CDS2: variants seen among roughly 807,000 people sequenced by gnomAD.
CDS2 encodes the protein phosphatidate cytidylyltransferase 2.
Under a neutral mutation model 59.0 loss-of-function variants are expected in CDS2, and 47 were observed. The observed-to-expected ratio is 0.80, with a 90% CI of 0.63 to 1.02. The LOEUF is 1.02. Ranked by LOEUF, CDS2 falls within the 50% of genes least tolerant of loss-of-function variation. The pLI is 0.00. For synonymous variants in CDS2, 207 were observed against 206.4 expected (o/e 1.00, Z -0.02); for missense variants, 356 against 558.9 (o/e 0.64, Z 3.66).
At chr20:5,167,532 A>G (rs1196902027) in intron 1 of CDS2, among the ~76,000 whole-genome samples, 1 of 152,206 alleles carries the variant, frequency 6.6e-6, no homozygotes, top group Non-Finnish European at 1.5e-5. Flanking sequence ...CACACTGGCC[A>G]GATATATGTA....
intron 1 of CDS2, among the ~76,000 whole-genome samples, chr20:5,155,175 C>G (rs983526475): frequency 1.6e-4 from 25 of 152,332 alleles, no homozygotes; most frequent in African/African-American, 4.8e-4. Context: ...GGCACTCCCC[C>G]ACCCCAAGTC....
At chr20:5,188,880 C>T (rs1331119643) in intron 10 of CDS2, among the ~76,000 whole-genome samples, 187 bp from the exon 11 acceptor site, 1 of 152,176 alleles carries the variant, frequency 6.6e-6, no homozygotes, top group East Asian at 1.9e-4. Flanking sequence ...CTTGACAGAA[C>T]TCACTACTAG....
At chr20:5,133,141 C>G (rs550096243) in intron 1 of CDS2, among the ~76,000 whole-genome samples, 1 of 152,296 alleles carries the variant, frequency 6.6e-6, no homozygotes, top group African/African-American at 2.4e-5. Context: ...CACCACTGCA[C>G]TCCAGCCAGG....
In CDS2 at chr20:5,193,953, TGGG is replaced by T. The variant is rs1434169944; in HGVS notation, c.*3720_*3722del. Reference sequence around the variant, plus strand: ...TTATGTGCTAAGAAAAGGGTGGAGTTGGGAGGACAATTTCACTTGAACAGGTTT... The same window carrying T: ...TTATGTGCTAAGAAAAGGGTGGAGTTAGGACAATTTCACTTGAACAGGTTT... On this transcript the variant is annotated 3_prime_UTR_variant, in exon 13 of 13. Transcript: ENST00000460006. 1 of 152,158 alleles carries T rather than the reference TGGG, an allele frequency of 6.6e-6. No homozygotes were observed. The highest frequency in any genetic ancestry group is 2.4e-5 in the African/African-American group (1 of 41,434). 9.4% of individuals were successfully genotyped at this position (152,158 alleles called of 1,614,324 possible).
rs776952323 is a variant in CDS2 at position 5,183,042 on chromosome 20, A to T, written c.589-19A>T. The T allele has an allele frequency of 2.5e-6, 4 of 1,608,568 alleles. No homozygotes were observed. Among genetic ancestry groups the T allele is most frequent in the Non-Finnish European group, 3.4e-6 (4 of 1,175,380 alleles). On this transcript the variant is annotated intron_variant, in intron 6 of 12. Coordinates refer to ENST00000460006, the MANE Select transcript of CDS2 (RefSeq NM_003818.4). Reference sequence around the variant, plus strand: ...CAAGGTAAACTGGTAAGTAGTGTTTATTTTTCTTTTTTTTGCAGTTTGGCT... The same window carrying T: ...CAAGGTAAACTGGTAAGTAGTGTTTTTTTTTCTTTTTTTTGCAGTTTGGCT...
chr20:5,139,252 A>C (rs1350232978), intron 1 of CDS2, among the ~76,000 whole-genome samples: 1 of 152,078 alleles, frequency 6.6e-6, no homozygotes, highest in Non-Finnish European at 1.5e-5. Context: ...TGAGGCTAGA[A>C]CTTGGATTTG....
intron 1 of CDS2, among the ~76,000 whole-genome samples, chr20:5,157,022 CAAAAT>C (rs1440484690): frequency 6.6e-6 from 1 of 152,024 alleles, no homozygotes; most frequent in Non-Finnish European, 1.5e-5. Flanking sequence ...TACTCCAAAG[CAAAAT>C]AAAGGGACCA....
intron 5 of CDS2, among the ~76,000 whole-genome samples, chr20:5,180,632 C>T (rs1274147855): frequency 6.6e-6 from 1 of 152,084 alleles, no homozygotes; most frequent in Non-Finnish European, 1.5e-5. Flanking sequence ...GTCTTTATGA[C>T]CTGTATCTTG....
chr20:5,140,875 T>C (rs2090687895), intron 1 of CDS2, among the ~76,000 whole-genome samples: 2 of 152,210 alleles, frequency 1.3e-5, no homozygotes, highest in Admixed American at 1.3e-4. Context: ...TATAGGAAAT[T>C]CAAGAGACTG....
Position 5,197,707 on chromosome 20 carries a change from T to C in CDS2, c.*7473T>C, listed in dbSNP as rs1269633006. ...CTACTGCTGTGCCATTTTCCCAACT[T>C]GGCGTTTCACTAAATGCAGCTGATC... On this transcript the variant is annotated 3_prime_UTR_variant, in exon 13 of 13. Coordinates refer to ENST00000460006, the MANE Select transcript of CDS2 (RefSeq NM_003818.4). 1 of 152,154 alleles carries C rather than the reference T, an allele frequency of 6.6e-6. No homozygotes were observed. The highest frequency in any genetic ancestry group is 1.5e-5 in the Non-Finnish European group (1 of 68,024). The allele number at this position is 152,154 out of a possible 1,614,324, so 9.4% of individuals were successfully genotyped here.
chr20:5,138,705 C>T (rs1250476938), intron 1 of CDS2, among the ~76,000 whole-genome samples: 1 of 151,834 alleles, frequency 6.6e-6, no homozygotes, highest in Non-Finnish European at 1.5e-5. Flanking sequence ...AGGCTGGTGT[C>T]GAATTCCTGA....
intron 10 of CDS2, chr20:5,187,558 A>C (rs1186834677): frequency 2.0e-5 from 3 of 152,162 alleles, no homozygotes; most frequent in Admixed American, 2.0e-4. Context: ...TTTTTCTTGA[A>C]AAGGATGAAG....
At position 5,173,543 on chromosome 20, in the gene CDS2, G is replaced by A; in HGVS notation, c.78G>A (p.Lys26=). The A allele has an allele frequency of 1.2e-6, 2 of 1,614,232 alleles. No homozygotes were observed. The highest frequency in any genetic ancestry group is 1.7e-6 in the Non-Finnish European group (2 of 1,180,036). ...CTTAGGAGTCAGAGTCAGAAGCAAA[G>A]GTAGATGGAGAGACTGCATCGGACA... ...PEDKESESEA[K]VDGETASDSE... Residue 26 remains lysine (K), a synonymous_variant, in exon 2 of 13, where the codon AAG becomes AAA. Transcript: ENST00000460006.
intron 1 of CDS2, among the ~76,000 whole-genome samples, chr20:5,157,876 G>T (rs1332911143): frequency 1.3e-5 from 2 of 152,162 alleles, no homozygotes; most frequent in Non-Finnish European, 2.9e-5. Flanking sequence ...CGTAGGCCAA[G>T]ACTTCAGATT....
chr20:5,186,008 T>C (rs2091064811), intron 9 of CDS2, among the ~76,000 whole-genome samples, 182 bp downstream of exon 9: 1 of 152,260 alleles, frequency 6.6e-6, no homozygotes, highest in South Asian at 2.1e-4. Context: ...GGCAGGGTGC[T>C]AGCAGTTGGA....
chr20:5,182,952 A>G (rs974853414), intron 6 of CDS2, 109 bp from the exon 7 acceptor site: 11 of 819,412 alleles, frequency 1.3e-5, no homozygotes, highest in Non-Finnish European at 2.2e-5. Flanking sequence ...ACAAAAGCAG[A>G]TATTTTTCCT....
At chr20:5,141,166 C>T (rs562009194) in intron 1 of CDS2, among the ~76,000 whole-genome samples, 3 of 152,300 alleles carry the variant, frequency 2.0e-5, no homozygotes, top group Non-Finnish European at 4.4e-5. Flanking sequence ...TCTGGCTTTC[C>T]TTGTTTGATT....
At chr20:5,182,923 C>T in intron 6 of CDS2, 138 bp from the exon 7 acceptor site, 3 of 684,564 alleles carry the variant, frequency 4.4e-6, no homozygotes, top group Non-Finnish European at 7.6e-6. Flanking sequence ...CTTACCTGTT[C>T]ACTTTCAATA....
intron 1 of CDS2, chr20:5,168,618 C>G (rs546411042): frequency 1.9e-6 from 1 of 518,538 alleles, no homozygotes; most frequent in Admixed American, 1.9e-5. Flanking sequence ...AGGGTGGGCC[C>G]CTGGCACCAA....
Sources: gnomAD v4.1 joint callset for allele counts (sites outside exome capture counted in the v4.1 genomes callset) on GRCh38, gnomAD v4.1.1 for gene constraint, MANE v1.5 for transcripts, NCBI Gene and HGNC (gene_info 2026-07-23, HGNC 2026-07-21) for gene names.